Variants in NXPE2 observed in about 807,000 individuals in gnomAD.
NXPE2 encodes neurexophilin and PC-esterase domain family member 2.
A neutral mutation model predicts 34.4 loss-of-function variants in NXPE2; 34 were observed. That is an observed-to-expected ratio of 0.99 (90% CI 0.75 to 1.31). The LOEUF (loss-of-function observed/expected upper bound fraction) is 1.31, where lower values mean the gene tolerates loss of function less well. NXPE2 is among the 40% of genes most tolerant of loss of function. The pLI, the probability that NXPE2 is intolerant of heterozygous loss-of-function variation, is 0.00. For missense variants in NXPE2, 649 were observed against 672.5 expected (o/e 0.97, Z 0.39); for synonymous variants, 235 against 231.3 (o/e 1.02, Z -0.15).
chr11:114,538,414 C>T, the NXPE2 span, among the ~76,000 whole-genome samples: 6 of 152,030 alleles, frequency 3.9e-5, no homozygotes, highest in African/African-American at 1.5e-4. Flanking sequence ...GCAACAAAAG[C>T]CAAAATTGAC....
chr11:114,803,259 G>A, the NXPE2 span, among the ~76,000 whole-genome samples: 4 of 152,332 alleles, frequency 2.6e-5, no homozygotes, highest in African/African-American at 4.8e-5. Flanking sequence ...CACTTCAGGG[G>A]ACTAAGAAAA....
chr11:114,813,148 C>T, the NXPE2 span, among the ~76,000 whole-genome samples: 2 of 152,226 alleles, frequency 1.3e-5, no homozygotes, highest in Non-Finnish European at 2.9e-5. Flanking sequence ...TGCAGGAAGA[C>T]TAACTTCACT....
At chr11:114,509,501 G>T in the NXPE2 span, among the ~76,000 whole-genome samples, 1 of 152,278 alleles carries the variant, frequency 6.6e-6, no homozygotes, top group Non-Finnish European at 1.5e-5. Flanking sequence ...ACTCACAATA[G>T]CAAAGACATG....
At chr11:114,585,305 T>A in the NXPE2 span, among the ~76,000 whole-genome samples, 1 of 151,998 alleles carries the variant, frequency 6.6e-6, no homozygotes, top group African/African-American at 2.4e-5. Flanking sequence ...ATGGTATATT[T>A]CATTACTCCC....
the NXPE2 span, among the ~76,000 whole-genome samples, chr11:114,574,558 G>GCT: frequency 9.2e-5 from 14 of 152,010 alleles, no homozygotes; most frequent in African/African-American, 2.9e-4. Context: ...ATTATTCAAG[G>GCT]CTACTGTGAA....
the NXPE2 span, among the ~76,000 whole-genome samples, chr11:114,490,958 C>G: frequency 6.7e-6 from 1 of 149,816 alleles, no homozygotes; most frequent in Non-Finnish European, 1.5e-5. Context: ...GTCAGGAGAT[C>G]GAGACCATCC....
At chr11:114,585,716 C>T in the NXPE2 span, among the ~76,000 whole-genome samples, 1 of 152,064 alleles carries the variant, frequency 6.6e-6, no homozygotes, top group Non-Finnish European at 1.5e-5. Context: ...GTAAAGGAGT[C>T]CTTGGCAAGG....
chr11:114,652,388 TG>T, the NXPE2 span, among the ~76,000 whole-genome samples: 1 of 152,208 alleles, frequency 6.6e-6, no homozygotes, highest in African/African-American at 2.4e-5. Context: ...GACTGCGATT[TG>T]TACAGTCAAA....
the NXPE2 span, among the ~76,000 whole-genome samples, chr11:114,787,168 G>C: frequency 6.7e-6 from 1 of 148,166 alleles, no homozygotes; most frequent in African/African-American, 2.5e-5. Context: ...ACTGTCAACA[G>C]GCGCACACAC....
the NXPE2 span, among the ~76,000 whole-genome samples, chr11:114,550,530 G>A: frequency 6.6e-6 from 1 of 152,104 alleles, no homozygotes; most frequent in Non-Finnish European, 1.5e-5. Flanking sequence ...TATGGAAAAA[G>A]TTAAATGAGA....
chr11:114,634,834 G>T, the NXPE2 span, among the ~76,000 whole-genome samples: 1 of 151,906 alleles, frequency 6.6e-6, no homozygotes, highest in African/African-American at 2.4e-5. Context: ...TCTCTGTTTT[G>T]GTATCAGTGC....
chr11:114,645,180 T>C, the NXPE2 span, among the ~76,000 whole-genome samples: 1 of 151,970 alleles, frequency 6.6e-6, no homozygotes, highest in Admixed American at 6.6e-5. Flanking sequence ...CGTGCACTTA[T>C]AATCTCAGCT....
At chr11:114,583,788 A>G in the NXPE2 span, 2 of 446,194 alleles carry the variant, frequency 4.5e-6, no homozygotes, top group East Asian at 5.4e-5. Flanking sequence ...GATATTCACC[A>G]TGATGATGGC....
the NXPE2 span, chr11:114,571,485 T>C: frequency 3.2e-6 from 5 of 1,575,344 alleles, no homozygotes; most frequent in Non-Finnish European, 4.3e-6. Context: ...TGATAACAAA[T>C]AGGCAATCCC....
chr11:114,728,711 A>G, the NXPE2 span, among the ~76,000 whole-genome samples: 2 of 152,040 alleles, frequency 1.3e-5, no homozygotes, highest in East Asian at 1.9e-4. Context: ...CAACTACTCA[A>G]CTCTGCCTTT....
chr11:114,662,938 G>T, the NXPE2 span, among the ~76,000 whole-genome samples: 1 of 152,128 alleles, frequency 6.6e-6, no homozygotes, highest in African/African-American at 2.4e-5. Flanking sequence ...AGCCTATGAG[G>T]CTTGCTCTCT....
At chr11:114,810,818 C>T in the NXPE2 span, among the ~76,000 whole-genome samples, 1 of 152,094 alleles carries the variant, frequency 6.6e-6, no homozygotes, top group Non-Finnish European at 1.5e-5. Context: ...TACCATTTGA[C>T]CCAGCCATCC....
At chr11:114,555,052 T>TC in the NXPE2 span, among the ~76,000 whole-genome samples, 4 of 152,078 alleles carry the variant, frequency 2.6e-5, no homozygotes, top group African/African-American at 9.7e-5. Context: ...TTTTTTTTTT[T>TC]CATGGCAGTC....
the NXPE2 span, among the ~76,000 whole-genome samples, chr11:114,525,418 T>C: frequency 6.6e-6 from 1 of 152,068 alleles, no homozygotes; most frequent in Non-Finnish European, 1.5e-5. Flanking sequence ...GCTGACCCAC[T>C]CTAAGACCCA....
Sources: gnomAD v4.1 joint callset for allele counts (sites outside exome capture counted in the v4.1 genomes callset) on GRCh38, gnomAD v4.1.1 for gene constraint, MANE v1.5 for transcripts, NCBI Gene and HGNC (gene_info 2026-07-23, HGNC 2026-07-21) for gene names.